Variants in NEGR1 observed in about 807,000 individuals in gnomAD.
NEGR1 encodes neuronal growth regulator 1.
Under a neutral mutation model 40.9 loss-of-function variants are expected in NEGR1, and 10 were observed. The ratio of observed to expected loss-of-function variants is 0.24; its 90% confidence interval spans 0.15 to 0.42. The LOEUF (loss-of-function observed/expected upper bound fraction) is 0.42. NEGR1 is among the 10% of genes least tolerant of loss of function. NEGR1 has a pLI of 1.00. For synonymous variants in NEGR1, 185 were observed against 166.8 expected (o/e 1.11, Z -0.84); for missense variants, 352 against 438.9 (o/e 0.80, Z 1.77).
intron 1 of NEGR1, among the ~76,000 whole-genome samples, chr1:72,102,550 C>T (rs78623126): frequency 0.027 from 4,160 of 151,988 alleles, 193 homozygotes; most frequent in African/African-American, 0.096. Context: ...CAGCCTAGGT[C>T]GGTAATCATG....
intron 1 of NEGR1, among the ~76,000 whole-genome samples, chr1:72,161,676 CTTTTT>C (rs779074685): frequency 2.4e-5 from 2 of 84,566 alleles, no homozygotes; most frequent in Admixed American, 1.4e-4. Context: ...TTCTTTCTTT[CTTTTT>C]TTTTTTTTTT....
chr1:71,925,788 A>G (rs1645767064), intron 2 of NEGR1, among the ~76,000 whole-genome samples: 1 of 152,162 alleles, frequency 6.6e-6, no homozygotes, highest in Non-Finnish European at 1.5e-5. Flanking sequence ...TCCAAGAAGA[A>G]AAGTTATTTC....
chr1:72,148,119 C>T, intron 1 of NEGR1, among the ~76,000 whole-genome samples: 1 of 152,226 alleles, frequency 6.6e-6, no homozygotes, highest in South Asian at 2.1e-4. Flanking sequence ...TGTGTAGGGG[C>T]TCAGACTCCA....
intron 4 of NEGR1, among the ~76,000 whole-genome samples, chr1:71,692,516 A>G (rs917404598): frequency 6.6e-6 from 1 of 151,498 alleles, no homozygotes; most frequent in Non-Finnish European, 1.5e-5. Flanking sequence ...GGTGATGGCC[A>G]TTTGTGATCT....
At chr1:71,997,232 G>A (rs1302581443) in intron 1 of NEGR1, among the ~76,000 whole-genome samples, 1 of 151,940 alleles carries the variant, frequency 6.6e-6, no homozygotes, top group Non-Finnish European at 1.5e-5. Context: ...GTCTCTATAA[G>A]TCAATTCTTA....
At chr1:71,508,048 C>T (rs1040542667) in intron 6 of NEGR1, among the ~76,000 whole-genome samples, 4 of 152,076 alleles carry the variant, frequency 2.6e-5, no homozygotes, top group African/African-American at 9.7e-5. Context: ...CTATGGAAAC[C>T]AAGAATCAAT....
At chr1:71,685,901 G>A (rs76518434) in intron 4 of NEGR1, among the ~76,000 whole-genome samples, 1 of 151,992 alleles carries the variant, frequency 6.6e-6, no homozygotes, top group Admixed American at 6.6e-5. Context: ...TTTTGGCATC[G>A]CGACGGAGCT....
intron 2 of NEGR1, among the ~76,000 whole-genome samples, chr1:71,862,482 C>A (rs1259937831): frequency 6.6e-6 from 1 of 152,058 alleles, no homozygotes; most frequent in Non-Finnish European, 1.5e-5. Context: ...ACAAAAACAT[C>A]ACAATTGCTT....
intron 3 of NEGR1, among the ~76,000 whole-genome samples, chr1:71,725,305 C>T (rs1458175249): frequency 6.6e-6 from 1 of 151,944 alleles, no homozygotes; most frequent in Non-Finnish European, 1.5e-5. Flanking sequence ...TCTCTGATGC[C>T]CTCTCACCAC....
rs2100574529 is a variant in NEGR1, at chr1:72,282,487, A to C, written c.8T>G (p.Met3Arg). Residue 3 changes from methionine to arginine, a missense_variant, in exon 1 of 7, where the codon ATG (methionine) becomes AGG (arginine). By Grantham distance (91) the Met-to-Arg change is moderately conservative. Transcript: ENST00000357731. ...ACAAGCACCCTGCACCAACAGCATCATGTCCATCCCTGCTAGGGCTGCTCA... is the reference window on the plus strand; with the variant it reads ...ACAAGCACCCTGCACCAACAGCATCCTGTCCATCCCTGCTAGGGCTGCTCA... The part of the protein sequence containing the change: MD[M>R]MLLVQGACCS... The C allele has an allele frequency of 6.2e-7, 1 of 1,609,150 alleles. No individual in the cohort carries two copies. Among genetic ancestry groups the C allele is most frequent in the Non-Finnish European group, 8.5e-7 (1 of 1,179,164 alleles).
intron 4 of NEGR1, among the ~76,000 whole-genome samples, chr1:71,688,791 A>G (rs573744653): frequency 6.6e-6 from 1 of 152,278 alleles, no homozygotes; most frequent in South Asian, 2.1e-4. Flanking sequence ...ACTTTCTGAT[A>G]CTATTGATAC....
intron 3 of NEGR1, among the ~76,000 whole-genome samples, chr1:71,713,310 T>C (rs1654169625): frequency 6.6e-6 from 1 of 152,242 alleles, no homozygotes; most frequent in Non-Finnish European, 1.5e-5. Context: ...GGAAAAGGTC[T>C]ACCTCTGGCA....
chr1:71,903,394 T>A (rs999194666), intron 2 of NEGR1, among the ~76,000 whole-genome samples: 14 of 152,030 alleles, frequency 9.2e-5, no homozygotes, highest in Non-Finnish European at 1.6e-4. Flanking sequence ...CAATTCTATT[T>A]CTATGCCCTT....
At chr1:71,500,878 T>A (rs1319344592) in intron 6 of NEGR1, among the ~76,000 whole-genome samples, 1 of 152,090 alleles carries the variant, frequency 6.6e-6, no homozygotes, top group Admixed American at 6.6e-5. Context: ...ATGTTTTATT[T>A]GTATTATTAT....
chr1:72,220,355 T>C (rs1653971146), intron 1 of NEGR1, among the ~76,000 whole-genome samples: 1 of 151,960 alleles, frequency 6.6e-6, no homozygotes, highest in Non-Finnish European at 1.5e-5. Flanking sequence ...TACTGAAGAA[T>C]CAGAATCTCA....
intron 2 of NEGR1, among the ~76,000 whole-genome samples, chr1:71,911,324 G>A (rs954607347): frequency 6.6e-6 from 1 of 152,120 alleles, no homozygotes; most frequent in Non-Finnish European, 1.5e-5. Context: ...GTAGTACTGT[G>A]GAAAGAGCTC....
At chr1:71,876,915 T>C (rs1312168101) in intron 2 of NEGR1, among the ~76,000 whole-genome samples, 1 of 152,098 alleles carries the variant, frequency 6.6e-6, no homozygotes, top group Non-Finnish European at 1.5e-5. Flanking sequence ...CCATGCTACC[T>C]GAATTTTGGA....
intron 4 of NEGR1, among the ~76,000 whole-genome samples, chr1:71,626,557 A>G (rs982538035): frequency 6.6e-6 from 1 of 152,012 alleles, no homozygotes; most frequent in Admixed American, 6.6e-5. Flanking sequence ...ATGGCTGCAT[A>G]GTATTCCATG....
At chr1:71,933,952 T>A (rs528932039) in intron 2 of NEGR1, among the ~76,000 whole-genome samples, 3 of 152,158 alleles carry the variant, frequency 2.0e-5, no homozygotes, top group Non-Finnish European at 2.9e-5. Flanking sequence ...GTCTATAGAT[T>A]AACAATCTTT....
Sources: gnomAD v4.1 joint callset for allele counts (sites outside exome capture counted in the v4.1 genomes callset) on GRCh38, gnomAD v4.1.1 for gene constraint, MANE v1.5 for transcripts, NCBI Gene and HGNC (gene_info 2026-07-23, HGNC 2026-07-21) for gene names.